Variants in RBFOX1 observed in about 807,000 individuals in gnomAD.
RBFOX1 encodes RNA binding fox-1 homolog 1.
A neutral mutation model predicts 57.7 loss-of-function variants in RBFOX1; 8 were observed. That is an observed-to-expected ratio of 0.14 (90% CI 0.08 to 0.25). The LOEUF (loss-of-function observed/expected upper bound fraction) is 0.25, where lower values mean the gene tolerates loss of function less well. RBFOX1 is among the 10% of genes least tolerant of loss of function. RBFOX1 has a pLI of 1.00. For missense variants in RBFOX1, 611 were observed against 548.5 expected, an observed-to-expected ratio of 1.11 and a Z score of -1.14; for synonymous variants, 326 against 222.4, an observed-to-expected ratio of 1.47 and a Z score of -4.15.
intron 4 of RBFOX1, among the ~76,000 whole-genome samples, chr16:7,141,212 G>T (rs1043050386): frequency 6.6e-6 from 1 of 152,160 alleles, no homozygotes; most frequent in Non-Finnish European, 1.5e-5. Flanking sequence ...GAAATAATGG[G>T]TGAGTGTTAG....
intron 3 of RBFOX1, among the ~76,000 whole-genome samples, chr16:6,875,132 A>T (rs1414452239): frequency 1.3e-5 from 2 of 152,178 alleles, no homozygotes; most frequent in Non-Finnish European, 2.9e-5. Flanking sequence ...TAAGTTGCTT[A>T]TACCATTTAA....
chr16:7,044,161 G>A lies in RBFOX1; in HGVS notation c.-15-7896G>A, dbSNP rs143535287. Among the ~76,000 whole-genome samples, 65 of 152,214 alleles carry A rather than the reference G, an allele frequency of 4.3e-4. 1 individual carries two copies. Among genetic ancestry groups the A allele is most frequent in the African/African-American group, 1.4e-3 (58 of 41,548 alleles). On this transcript the variant is annotated intron_variant, in intron 3 of 15. Coordinates refer to ENST00000550418, the MANE Select transcript of RBFOX1 (RefSeq NM_018723.4). The stretch of plus-strand genomic sequence containing the variant: ...GACATCCAGAAGGTGCTTGAGATAT[G>A]TGTATGTATATGTGCATGTGTGGGT...
intron 5 of RBFOX1, among the ~76,000 whole-genome samples, chr16:7,560,664 T>C (rs1304737929): frequency 6.6e-6 from 1 of 152,092 alleles, no homozygotes; most frequent in Non-Finnish European, 1.5e-5. Flanking sequence ...AAATTGAGAT[T>C]CAGAAAGGGC....
rs947009990 is a variant in RBFOX1, at chr16:7,660,987, G to A, written c.891-3942G>A. Among the ~76,000 whole-genome samples the A allele has an allele frequency of 3.3e-5, 5 of 152,140 alleles. No homozygotes were observed. In the East Asian group the frequency reaches 9.6e-4, roughly 29 times the overall value. ...TGATCATATTGTCCATCTCATGGGGGTATTCTAAGGACTGAGTGGGATCAT... is the reference window on the plus strand; with the variant it reads ...TGATCATATTGTCCATCTCATGGGGATATTCTAAGGACTGAGTGGGATCAT... On this transcript the variant is annotated intron_variant, in intron 12 of 15. Transcript: ENST00000550418.
At chr16:7,564,981 G>C (rs1409191612) in intron 5 of RBFOX1, among the ~76,000 whole-genome samples, 2 of 152,106 alleles carry the variant, frequency 1.3e-5, no homozygotes, top group Non-Finnish European at 2.9e-5. Context: ...GCCCAGCCAG[G>C]CTCGAAATGA....
chr16:6,916,905 A>C (rs1231684013), intron 3 of RBFOX1, among the ~76,000 whole-genome samples: 1 of 152,138 alleles, frequency 6.6e-6, no homozygotes. Context: ...GCTAGAGTGC[A>C]GTGACATAAT....
chr16:6,250,961 C>G (rs953355633), intron 1 of RBFOX1, among the ~76,000 whole-genome samples: 6 of 152,112 alleles, frequency 3.9e-5, no homozygotes, highest in Admixed American at 3.3e-4. Context: ...TTTTCACACC[C>G]AATTTGATGT....
intron 2 of RBFOX1, among the ~76,000 whole-genome samples, chr16:6,535,207 C>G (rs988401859): frequency 1.3e-5 from 2 of 152,156 alleles, no homozygotes; most frequent in African/African-American, 4.8e-5. Context: ...CTGGGAAAAT[C>G]CTCTGTTCTA....
intron 14 of RBFOX1, among the ~76,000 whole-genome samples, chr16:7,697,179 C>T (rs997328805): frequency 6.6e-6 from 1 of 152,160 alleles, no homozygotes; most frequent in African/African-American, 2.4e-5. Flanking sequence ...GCCCTTACAG[C>T]TGTCCAGAGA....
chr16:5,954,067 A>G (rs1020619964), intron 4 of RBFOX1, among the ~76,000 whole-genome samples: 5 of 152,146 alleles, frequency 3.3e-5, no homozygotes, highest in Admixed American at 2.6e-4. Flanking sequence ...ACTGCACACT[A>G]TGCTACAGTG....
intron 3 of RBFOX1, among the ~76,000 whole-genome samples, chr16:7,019,580 A>T (rs553949187): frequency 6.6e-6 from 1 of 152,140 alleles, no homozygotes; most frequent in Non-Finnish European, 1.5e-5. Context: ...CGAATGAATG[A>T]TCTGTTCTGT....
chr16:7,160,048 G>A (rs915041547), intron 4 of RBFOX1, among the ~76,000 whole-genome samples: 2 of 152,108 alleles, frequency 1.3e-5, no homozygotes, highest in Non-Finnish European at 1.5e-5. Flanking sequence ...GTGTCAGTGT[G>A]CCTGTTGCTG....
At position 7,087,388 on chromosome 16, in the gene RBFOX1, C is replaced by T. The variant is rs566251597; in HGVS notation, c.27+35290C>T. Among the ~76,000 whole-genome samples the T allele has an allele frequency of 9.9e-5, 15 of 152,246 alleles. No homozygotes were observed. In the South Asian group the frequency reaches 3.1e-3, roughly 32 times the overall value. Reference sequence around the variant, plus strand: ...CCTGTCTGTTGATGATCAACACCATCGCTAGTATTATGAATATTGCTAGTA... The same window carrying T: ...CCTGTCTGTTGATGATCAACACCATTGCTAGTATTATGAATATTGCTAGTA... On this transcript the variant is annotated intron_variant, in intron 4 of 15. Coordinates refer to ENST00000550418, the MANE Select transcript of RBFOX1 (RefSeq NM_018723.4).
chr16:7,506,104 G>A (rs1262303311), intron 4 of RBFOX1, among the ~76,000 whole-genome samples: 1 of 136,418 alleles, frequency 7.3e-6, no homozygotes. Flanking sequence ...AGAACTGCTT[G>A]AACCCAGGAG....
At chr16:7,365,259 G>C (rs986441934) in intron 4 of RBFOX1, among the ~76,000 whole-genome samples, 3 of 152,120 alleles carry the variant, frequency 2.0e-5, no homozygotes, top group Non-Finnish European at 4.4e-5. Context: ...ACACTCAATG[G>C]GGTAATAAAT....
chr16:7,007,341 C>T (rs1407876906), intron 3 of RBFOX1, among the ~76,000 whole-genome samples: 2 of 152,188 alleles, frequency 1.3e-5, no homozygotes, highest in South Asian at 2.1e-4. Context: ...TTGACTTCTT[C>T]TGCCATATGT....
At chr16:7,488,951 C>A (rs1158643709) in intron 4 of RBFOX1, among the ~76,000 whole-genome samples, 1 of 152,224 alleles carries the variant, frequency 6.6e-6, no homozygotes, top group Non-Finnish European at 1.5e-5. Context: ...TGTCCACTAT[C>A]TATGTATACA....
intron 1 of RBFOX1, among the ~76,000 whole-genome samples, chr16:6,137,528 G>C (rs1277805653): frequency 6.6e-6 from 1 of 151,360 alleles, no homozygotes; most frequent in Non-Finnish European, 1.5e-5. Flanking sequence ...CTGGTCTCGA[G>C]CTCCTGACCT....
chr16:6,706,030 T>C (rs900767837), intron 3 of RBFOX1, among the ~76,000 whole-genome samples: 2 of 152,030 alleles, frequency 1.3e-5, no homozygotes, highest in Non-Finnish European at 2.9e-5. Flanking sequence ...AATATATACA[T>C]ATATAGATAG....
Sources: gnomAD v4.1 joint callset for allele counts (sites outside exome capture counted in the v4.1 genomes callset) on GRCh38, gnomAD v4.1.1 for gene constraint, MANE v1.5 for transcripts, NCBI Gene and HGNC (gene_info 2026-07-23, HGNC 2026-07-21) for gene names.